The following ASIC2 variants were observed in gnomAD, a reference collection of about 807,000 sequenced individuals.
ASIC2 encodes acid-sensing ion channel 2.
ASIC2 carries 25 observed loss-of-function variants against 57.3 expected under a neutral mutation model. The ratio of observed to expected loss-of-function variants is 0.44; its 90% CI spans 0.32 to 0.61. The LOEUF is 0.61. ASIC2 is among the 20% of genes least tolerant of loss of function. The pLI is 0.06. For synonymous variants in ASIC2, 319 were observed against 307.5 expected (o/e 1.04, Z -0.39); for missense variants, 641 against 738.1 (o/e 0.87, Z 1.52).
intron 1 of ASIC2, among the ~76,000 whole-genome samples, chr17:33,484,196 G>T (rs975253622): frequency 6.6e-6 from 1 of 152,228 alleles, no homozygotes; most frequent in Non-Finnish European, 1.5e-5. Flanking sequence ...CATTAAGTTT[G>T]TGGTGATTTG....
intron 1 of ASIC2, among the ~76,000 whole-genome samples, chr17:33,915,041 G>C (rs923137305): frequency 1.3e-5 from 2 of 152,198 alleles, no homozygotes; most frequent in African/African-American, 4.8e-5. Flanking sequence ...GCGTACGCAG[G>C]CAACATATGA....
intron 1 of ASIC2, among the ~76,000 whole-genome samples, chr17:33,877,670 C>T (rs1016548194): frequency 1.3e-5 from 2 of 152,236 alleles, no homozygotes; most frequent in African/African-American, 4.8e-5. Flanking sequence ...TCTGTAGACT[C>T]CACCTCTGGG....
chr17:33,952,167 A>G (rs1232106318), intron 1 of ASIC2, among the ~76,000 whole-genome samples: 2 of 152,210 alleles, frequency 1.3e-5, no homozygotes, highest in African/African-American at 2.4e-5. Context: ...GGAAGCAAAC[A>G]TGGCAAATGT....
chr17:33,112,300 G>A lies in ASIC2; in HGVS notation c.709-233C>T. ...ATGCCCTTTGGGGTTTGTTGCAGTA[G>A]GATCTGGTCTCTTCTTCCTCTGAGC... On this transcript the variant is annotated intron_variant, in intron 1 of 9. Coordinates refer to ENST00000225823, the MANE Select transcript of ASIC2 (RefSeq NM_183377.2). 3 of 536,382 alleles carry A rather than the reference G, an allele frequency of 5.6e-6. 1 individual carries two copies. In the South Asian group the frequency reaches 7.1e-5, roughly 13 times the overall value. 33.2% of individuals were successfully genotyped at this position (536,382 alleles called of 1,614,324 possible).
chr17:34,018,018 G>A (rs1907028711), intron 1 of ASIC2, among the ~76,000 whole-genome samples: 1 of 152,188 alleles, frequency 6.6e-6, no homozygotes, highest in African/African-American at 2.4e-5. Context: ...AGATGGAACA[G>A]CCTTATATTG....
At chr17:33,406,892 T>G (rs891630548) in intron 1 of ASIC2, among the ~76,000 whole-genome samples, 3 of 152,202 alleles carry the variant, frequency 2.0e-5, no homozygotes, top group African/African-American at 7.2e-5. Flanking sequence ...ATGAAAGTTA[T>G]AATAGACTAA....
intron 1 of ASIC2, among the ~76,000 whole-genome samples, chr17:34,012,437 G>T (rs754583718): frequency 1.3e-4 from 20 of 152,158 alleles, no homozygotes; most frequent in Non-Finnish European, 2.4e-4. Flanking sequence ...TTTTCATGCG[G>T]TTGCACATCC....
At chr17:33,995,790 T>C (rs1906140222) in intron 1 of ASIC2, among the ~76,000 whole-genome samples, 1 of 152,192 alleles carries the variant, frequency 6.6e-6, no homozygotes, top group Non-Finnish European at 1.5e-5. Flanking sequence ...ATCTTAGCTA[T>C]TGTGAATAAT....
At chr17:33,246,304 G>A (rs1908687296) in intron 1 of ASIC2, among the ~76,000 whole-genome samples, 1 of 152,306 alleles carries the variant, frequency 6.6e-6, no homozygotes, top group South Asian at 2.1e-4. Context: ...TGGAGTTGCT[G>A]TTTGCAGAGA....
chr17:33,944,860 C>G (rs968781606), intron 1 of ASIC2, among the ~76,000 whole-genome samples: 11 of 152,172 alleles, frequency 7.2e-5, no homozygotes, highest in African/African-American at 2.7e-4. Context: ...TGGTAATCTC[C>G]ACCAATGCGT....
intron 1 of ASIC2, among the ~76,000 whole-genome samples, chr17:33,128,015 A>G (rs1276564646): frequency 2.6e-5 from 4 of 151,940 alleles, no homozygotes; most frequent in Non-Finnish European, 4.4e-5. Flanking sequence ...CTACTTCATA[A>G]CTCTGTGCTT....
At chr17:33,751,740 T>A (rs144389089) in intron 1 of ASIC2, among the ~76,000 whole-genome samples, 365 of 152,168 alleles carry the variant, frequency 2.4e-3, no homozygotes, top group African/African-American at 8.3e-3. Flanking sequence ...GCTCCCTGCA[T>A]AGAATGACTT....
intron 1 of ASIC2, among the ~76,000 whole-genome samples, chr17:34,042,983 C>A (rs563108857): frequency 6.6e-6 from 1 of 152,242 alleles, no homozygotes; most frequent in East Asian, 1.9e-4. Flanking sequence ...TTACATACAG[C>A]AACATGGATG....
At chr17:33,748,481 A>G (rs548585696) in intron 1 of ASIC2, among the ~76,000 whole-genome samples, 8 of 152,366 alleles carry the variant, frequency 5.3e-5, no homozygotes, top group African/African-American at 1.9e-4. Flanking sequence ...AGTCCTGAGA[A>G]ATAATGGTGC....
intron 1 of ASIC2, among the ~76,000 whole-genome samples, chr17:34,152,980 G>A (rs1904583248): frequency 1.3e-5 from 2 of 152,312 alleles, no homozygotes; most frequent in East Asian, 1.9e-4. Context: ...GGCTAAGAGT[G>A]TACTTGCATG....
chr17:33,098,117 C>A (rs2092191499), intron 2 of ASIC2, among the ~76,000 whole-genome samples: 1 of 152,182 alleles, frequency 6.6e-6, no homozygotes, highest in South Asian at 2.1e-4. Flanking sequence ...AGGGGCTGAT[C>A]TCTCAGGTTA....
intron 1 of ASIC2, among the ~76,000 whole-genome samples, chr17:34,065,757 T>C (rs1379947817): frequency 2.0e-5 from 3 of 152,106 alleles, no homozygotes; most frequent in Non-Finnish European, 2.9e-5. Flanking sequence ...AACAGGGGCA[T>C]GCAACAAGTT....
intron 1 of ASIC2, chr17:34,039,960 C>G (rs1006545056): frequency 7.0e-6 from 8 of 1,149,040 alleles, no homozygotes; most frequent in Admixed American, 5.8e-5. Flanking sequence ...CCGCTCTCCC[C>G]CTGGGCAGGC....
intron 1 of ASIC2, among the ~76,000 whole-genome samples, chr17:33,631,322 ATT>A (rs113222295): frequency 0.027 from 3,597 of 134,462 alleles, 98 homozygotes; most frequent in East Asian, 0.081. Flanking sequence ...GCTTTTAGTG[ATT>A]TTTTTTTTTT....
Sources: allele counts gnomAD v4.1 joint callset (sites outside exome capture counted in the v4.1 genomes callset), GRCh38; gene constraint gnomAD v4.1.1; transcripts MANE v1.5; gene names NCBI Gene and HGNC (gene_info 2026-07-23, HGNC 2026-07-21).